Variants in GALNTL5 observed in about 807,000 individuals in gnomAD.
GALNTL5 encodes inactive polypeptide N-acetylgalactosaminyltransferase-like protein 5.
In GALNTL5, 44 loss-of-function variants were observed where a neutral mutation model predicts 51.0. The observed-to-expected ratio is 0.86, with a 90% CI of 0.68 to 1.11. The LOEUF (loss-of-function observed/expected upper bound fraction) is 1.11. Among genes scored for constraint, GALNTL5 ranks in the 50% least tolerant of loss-of-function variants. GALNTL5 has a pLI of 0.00. For synonymous variants in GALNTL5, 192 were observed against 182.8 expected, an observed-to-expected ratio of 1.05 and a Z score of -0.41; for missense variants, 528 against 531.8, an observed-to-expected ratio of 0.99 and a Z score of 0.07.
intron 4 of GALNTL5, 76 bp from the exon 5 acceptor site, chr7:151,987,083 C>A (rs4726127): frequency 1 from 1,238,642 of 1,244,044 alleles, 616,764 homozygotes; most frequent in East Asian, 1. Flanking sequence ...TTTAGGAATA[C>A]GTCATAATGA....
intron 7 of GALNTL5, among the ~76,000 whole-genome samples, chr7:152,011,457 G>A (rs766405092): frequency 2.6e-5 from 4 of 152,186 alleles, no homozygotes; most frequent in Non-Finnish European, 4.4e-5. Context: ...TGATCTCCCC[G>A]ACACCTGCAG....
chr7:151,966,259 TTTTC>T (rs1206221243), intron 1 of GALNTL5, among the ~76,000 whole-genome samples: 1 of 150,896 alleles, frequency 6.6e-6, no homozygotes, highest in Non-Finnish European at 1.5e-5. Context: ...TCTTTTGTTC[TTTTC>T]TTTCTTTTTT....
intron 5 of GALNTL5, among the ~76,000 whole-genome samples, chr7:151,990,579 T>G (rs866479935): frequency 3.6e-3 from 1 of 278 alleles, no homozygotes; most frequent in Non-Finnish European, 0.042. Flanking sequence ...AGACTCCATC[T>G]CAAAAAAAAA....
At chr7:152,001,789 C>T (rs1461265121) in intron 5 of GALNTL5, among the ~76,000 whole-genome samples, 3 of 152,154 alleles carry the variant, frequency 2.0e-5, no homozygotes, top group Non-Finnish European at 4.4e-5. Flanking sequence ...AGGGATTGCA[C>T]TAAATCTGTA....
intron 6 of GALNTL5, among the ~76,000 whole-genome samples, chr7:152,003,786 C>A (rs2081610992): frequency 6.6e-6 from 1 of 152,190 alleles, no homozygotes; most frequent in South Asian, 2.1e-4. Context: ...GTTCCAATTA[C>A]ACAAACTTGG....
chr7:151,970,265 C>G (rs2081118424), intron 2 of GALNTL5, among the ~76,000 whole-genome samples: 1 of 152,090 alleles, frequency 6.6e-6, no homozygotes, highest in African/African-American at 2.4e-5. Flanking sequence ...TTCCATGTAG[C>G]CTGCTTAAAC....
chr7:152,003,042 C>G, intron 6 of GALNTL5, 79 bp downstream of exon 6: 1 of 1,234,056 alleles, frequency 8.1e-7, no homozygotes, highest in Non-Finnish European at 1.1e-6. Context: ...AGAGATTATT[C>G]TTTCAAGTTC....
intron 1 of GALNTL5, among the ~76,000 whole-genome samples, chr7:151,963,628 C>T (rs1450170061): frequency 6.6e-6 from 1 of 152,168 alleles, no homozygotes; most frequent in Non-Finnish European, 1.5e-5. Context: ...CAACTCCTCA[C>T]CTCAAGTGAT....
intron 1 of GALNTL5, among the ~76,000 whole-genome samples, chr7:151,966,564 C>T (rs929489996): frequency 2.0e-5 from 3 of 152,178 alleles, no homozygotes; most frequent in African/African-American, 2.4e-5. Context: ...CCACCACACC[C>T]GGCCAGTGTC....
At chr7:151,994,975 T>C (rs1030559401) in intron 5 of GALNTL5, 2 of 152,238 alleles carry the variant, frequency 1.3e-5, no homozygotes, top group African/African-American at 2.4e-5. Flanking sequence ...GCCAGGATGG[T>C]CTCGATCTCC....
chr7:152,009,718 G>A (rs1346849577), intron 7 of GALNTL5, among the ~76,000 whole-genome samples: 2 of 152,088 alleles, frequency 1.3e-5, no homozygotes, highest in African/African-American at 4.8e-5. Context: ...CCAACCATAG[G>A]TCTACGCTCC....
intron 1 of GALNTL5, chr7:151,960,416 C>A (rs886993444): frequency 6.6e-6 from 1 of 152,246 alleles, no homozygotes; most frequent in African/African-American, 2.4e-5. Context: ...GTGGCTTAGC[C>A]CTAAAATCCC....
intron 5 of GALNTL5, among the ~76,000 whole-genome samples, chr7:151,993,961 A>T (rs12703188): frequency 0.97 from 148,443 of 152,334 alleles, 72,442 homozygotes; most frequent in East Asian, 1. Context: ...TTTTTTCTTT[A>T]TGGTTGTAGG....
At chr7:151,984,998 T>G (rs962564291) in intron 4 of GALNTL5, among the ~76,000 whole-genome samples, 17 of 152,090 alleles carry the variant, frequency 1.1e-4, no homozygotes, top group African/African-American at 4.1e-4. Context: ...AACAAACATT[T>G]ATTTCTTAGA....
chr7:151,987,020 C>T (rs2081366961), intron 4 of GALNTL5, 139 bp from the exon 5 acceptor site: 3 of 654,272 alleles, frequency 4.6e-6, no homozygotes, highest in Admixed American at 8.0e-5. Flanking sequence ...AGACACCACA[C>T]CTGGCCCCAA....
chr7:151,989,700 C>T (rs2081402987), intron 5 of GALNTL5, among the ~76,000 whole-genome samples: 1 of 152,200 alleles, frequency 6.6e-6, no homozygotes, highest in African/African-American at 2.4e-5. Flanking sequence ...ACAATCTCAT[C>T]ACACAGATAA....
rs1244995801 is a variant in GALNTL5, at chr7:151,990,365, T to C, written c.658+3084T>C. On this transcript the variant is annotated intron_variant, in intron 5 of 8. Coordinates refer to ENST00000392800, the MANE Select transcript of GALNTL5 (RefSeq NM_145292.4). ...GGCTAGAAATTTTTAAGTCTTTAAG[T>C]TCACCAGAAAGCCCACTTCACTGGC... Among the ~76,000 whole-genome samples the C allele has an allele frequency of 4.0e-5, 6 of 151,568 alleles. 1 individual carries two copies. Among genetic ancestry groups the C allele is most frequent in the Admixed American group, 2.6e-4 (4 of 15,188 alleles).
At chr7:151,992,042 G>A (rs937365430) in intron 5 of GALNTL5, among the ~76,000 whole-genome samples, 1 of 152,042 alleles carries the variant, frequency 6.6e-6, no homozygotes, top group Non-Finnish European at 1.5e-5. Flanking sequence ...TGTGATTTGG[G>A]ACCTTCTTGT....
rs910057611 is a variant in GALNTL5 at position 151,983,800 on chromosome 7, C to T, written c.535+648C>T. Reference sequence around the variant, plus strand: ...GTGTTTTTGGTAGCTTAAGCAGCATCGTAAAGGCCCAGAGGTAAGAGAAGC... The same window carrying T: ...GTGTTTTTGGTAGCTTAAGCAGCATTGTAAAGGCCCAGAGGTAAGAGAAGC... On this transcript the variant is annotated intron_variant, in intron 4 of 8. Transcript: ENST00000392800. 2.0e-5 allele frequency among the ~76,000 whole-genome samples: 3 copies of T among 152,230 alleles called. No homozygotes were observed. In the East Asian group the frequency reaches 5.8e-4, roughly 29 times the overall value.
Sources: allele counts gnomAD v4.1 joint callset (sites outside exome capture counted in the v4.1 genomes callset), GRCh38; gene constraint gnomAD v4.1.1; transcripts MANE v1.5; gene names NCBI Gene and HGNC (gene_info 2026-07-23, HGNC 2026-07-21).